Variants in ANO2 observed in about 807,000 individuals in gnomAD.
The protein encoded by ANO2 is anoctamin 2, also known as anoctamin-2.
In ANO2, 101 loss-of-function variants were observed where a neutral mutation model predicts 124.2. That is an observed-to-expected ratio of 0.81 (90% CI 0.69 to 0.96). The LOEUF (loss-of-function observed/expected upper bound fraction) is 0.96, where lower values mean the gene tolerates loss of function less well. ANO2 is among the 40% of genes least tolerant of loss of function. The probability of loss-of-function intolerance (pLI) is 0.00; values close to 1 mark genes in which losing one functional copy is unlikely to be tolerated. For missense variants in ANO2, 1,293 were observed against 1,274.5 expected (o/e 1.01, Z -0.22); for synonymous variants, 486 against 482.5 (o/e 1.01, Z -0.09).
chr12:5,702,270 C>T (rs947428983), intron 14 of ANO2, among the ~76,000 whole-genome samples: 1 of 152,148 alleles, frequency 6.6e-6, no homozygotes, highest in Non-Finnish European at 1.5e-5. Flanking sequence ...AATAACACTA[C>T]ACTGACTGCT....
At chr12:5,861,652 C>A (rs7953061) in intron 3 of ANO2, among the ~76,000 whole-genome samples, 2 of 152,130 alleles carry the variant, frequency 1.3e-5, no homozygotes, top group African/African-American at 2.4e-5. Context: ...GAGGCAAGAA[C>A]GTCAGCTGCA....
chr12:5,773,030 G>C (rs796872750), intron 10 of ANO2, among the ~76,000 whole-genome samples: 1 of 152,228 alleles, frequency 6.6e-6, no homozygotes, highest in East Asian at 1.9e-4. Flanking sequence ...AGGAGTCAGC[G>C]GATGGGAGAG....
chr12:5,661,837 C>G (rs909975643), intron 14 of ANO2, among the ~76,000 whole-genome samples: 1 of 152,244 alleles, frequency 6.6e-6, no homozygotes, highest in Non-Finnish European at 1.5e-5. Context: ...ACCCCTCCCT[C>G]GCTGTTTTTG....
chr12:5,577,082 C>A (rs1051142226), intron 22 of ANO2, among the ~76,000 whole-genome samples: 1 of 152,254 alleles, frequency 6.6e-6, no homozygotes, highest in Non-Finnish European at 1.5e-5. Context: ...TCTGTTCTAA[C>A]AGACACAACT....
intron 23 of ANO2, among the ~76,000 whole-genome samples, chr12:5,566,339 C>T (rs543698702): frequency 1.1e-4 from 17 of 152,284 alleles, no homozygotes; most frequent in African/African-American, 3.1e-4. Context: ...TAATGCCTGA[C>T]GTGATTTCAT....
intron 3 of ANO2, among the ~76,000 whole-genome samples, chr12:5,869,174 C>A (rs2137278243): frequency 6.6e-6 from 1 of 152,252 alleles, no homozygotes; most frequent in South Asian, 2.1e-4. Context: ...GCCATTCGCA[C>A]TCTCCAAGGC....
chr12:5,796,777 T>C (rs1565676049), intron 10 of ANO2, among the ~76,000 whole-genome samples: 1 of 152,102 alleles, frequency 6.6e-6, no homozygotes, highest in Non-Finnish European at 1.5e-5. Flanking sequence ...AGGAACGGTG[T>C]CTCAAACCCC....
Position 5,626,263 on chromosome 12 carries a change from C to T in ANO2, c.1816+8889G>A, listed in dbSNP as rs538602986. ...AAGCTGTGTGCTCCCAGGGTGAGTT[C>T]CCAGGGAGAGCAGGGGCCCTTGCTA... On this transcript the variant is annotated intron_variant, in intron 16 of 24. Transcript: ENST00000682330. Among the ~76,000 whole-genome samples, 5 of 152,100 alleles carry T rather than the reference C, an allele frequency of 3.3e-5. No individual in the cohort carries two copies. In the East Asian group the frequency reaches 9.7e-4, roughly 30 times the overall value.
At chr12:5,836,863 T>C (rs540151010) in intron 4 of ANO2, 3 of 154,538 alleles carry the variant, frequency 1.9e-5, no homozygotes, top group African/African-American at 7.2e-5. Flanking sequence ...CCTTTTTTTA[T>C]AACACTTATC....
intron 7 of ANO2, among the ~76,000 whole-genome samples, chr12:5,821,759 G>T (rs751430606): frequency 3.9e-5 from 6 of 152,186 alleles, no homozygotes; most frequent in Non-Finnish European, 5.9e-5. Flanking sequence ...AATGAACTGG[G>T]TGCCTTCTGA....
intron 3 of ANO2, among the ~76,000 whole-genome samples, chr12:5,915,935 G>A (rs1941351350): frequency 6.6e-6 from 1 of 152,096 alleles, no homozygotes; most frequent in African/African-American, 2.4e-5. Flanking sequence ...TATTACTAGG[G>A]GAGTGACTAG....
At chr12:5,791,730 C>A (rs1246224216) in intron 10 of ANO2, among the ~76,000 whole-genome samples, 1 of 152,172 alleles carries the variant, frequency 6.6e-6, no homozygotes, top group Non-Finnish European at 1.5e-5. Flanking sequence ...GATAAGAATA[C>A]CCACTTCACA....
At chr12:5,675,555 A>G (rs1483408451) in intron 14 of ANO2, among the ~76,000 whole-genome samples, 1 of 152,192 alleles carries the variant, frequency 6.6e-6, no homozygotes, top group Non-Finnish European at 1.5e-5. Flanking sequence ...AGAGGAAGGG[A>G]ACTCAACTTT....
intron 16 of ANO2, among the ~76,000 whole-genome samples, chr12:5,630,237 C>G (rs746933026): frequency 5.3e-5 from 8 of 152,218 alleles, no homozygotes; most frequent in Non-Finnish European, 7.3e-5. Flanking sequence ...GGGCAGGAAG[C>G]CAAGCGGGTG....
At chr12:5,934,191 C>T (rs1942554305) in intron 1 of ANO2, among the ~76,000 whole-genome samples, 3 of 152,142 alleles carry the variant, frequency 2.0e-5, no homozygotes, top group Admixed American at 2.0e-4. Flanking sequence ...ATTGTTGTCA[C>T]CATTTTACTG....
chr12:5,680,368 AG>A (rs1948437933), intron 14 of ANO2, among the ~76,000 whole-genome samples: 1 of 152,188 alleles, frequency 6.6e-6, no homozygotes, highest in Non-Finnish European at 1.5e-5. Flanking sequence ...TACAATTAAG[AG>A]GGATATTGAA....
At chr12:5,674,311 C>A (rs955068232) in intron 14 of ANO2, among the ~76,000 whole-genome samples, 1 of 152,084 alleles carries the variant, frequency 6.6e-6, no homozygotes, top group Non-Finnish European at 1.5e-5. Flanking sequence ...AGGTATCCAC[C>A]TTTTCCAGGC....
At chr12:5,670,509 TG>T (rs773172729) in intron 14 of ANO2, among the ~76,000 whole-genome samples, 2 of 152,194 alleles carry the variant, frequency 1.3e-5, no homozygotes, top group Non-Finnish European at 2.9e-5. Context: ...TTCATGTTTT[TG>T]AAATGTTCCA....
At chr12:5,864,179 C>T (rs938265209) in intron 3 of ANO2, among the ~76,000 whole-genome samples, 5 of 152,172 alleles carry the variant, frequency 3.3e-5, no homozygotes, top group African/African-American at 1.2e-4. Context: ...GCAGTAGCCC[C>T]TGGCATGTAA....
Sources: gnomAD v4.1 joint callset for allele counts (sites outside exome capture counted in the v4.1 genomes callset) on GRCh38, gnomAD v4.1.1 for gene constraint, MANE v1.5 for transcripts, NCBI Gene and HGNC (gene_info 2026-07-23, HGNC 2026-07-21) for gene names.